Variants in SLC9A9 observed in about 807,000 individuals in gnomAD.
The protein encoded by SLC9A9 is solute carrier family 9 member A9.
In SLC9A9, 62 loss-of-function variants were observed where a neutral mutation model predicts 77.8. That is an observed-to-expected ratio of 0.80 (90% CI 0.65 to 0.98). The LOEUF is 0.98. Ranked by LOEUF, SLC9A9 falls within the 50% of genes least tolerant of loss-of-function variation. The pLI is 0.00. For missense variants in SLC9A9, 775 were observed against 774.9 expected, an observed-to-expected ratio of 1.00 and a Z score of 0.00; for synonymous variants, 320 against 283.5, an observed-to-expected ratio of 1.13 and a Z score of -1.29.
chr3:143,521,344 G>A (rs2108613668), intron 9 of SLC9A9, among the ~76,000 whole-genome samples: 1 of 152,212 alleles, frequency 6.6e-6, no homozygotes, highest in East Asian at 1.9e-4. Context: ...CTAGGAGGCT[G>A]GTAATGTTAT....
chr3:143,279,208 T>C (rs190962043), intron 14 of SLC9A9, among the ~76,000 whole-genome samples: 2 of 152,200 alleles, frequency 1.3e-5, no homozygotes, highest in Admixed American at 1.3e-4. Context: ...AGTTTTTCCC[T>C]GAAGGTTTGC....
chr3:143,388,982 G>T (rs571571078), intron 12 of SLC9A9, among the ~76,000 whole-genome samples: 1 of 152,306 alleles, frequency 6.6e-6, no homozygotes, highest in East Asian at 1.9e-4. Flanking sequence ...CACGGCATGG[G>T]CAAAGGCATA....
At chr3:143,778,588 T>C in intron 4 of SLC9A9, among the ~76,000 whole-genome samples, 1 of 152,016 alleles carries the variant, frequency 6.6e-6, no homozygotes, top group East Asian at 1.9e-4. Context: ...AAAGGAGGGT[T>C]AGAAATCATC....
Position 143,363,513 on chromosome 3 carries a change from G to A in SLC9A9, c.1575C>T (p.Leu525=), listed in dbSNP as rs145513972. ...KNMTKAESAR[L]FRMWYSFDHK... ...GGTCAAAGCTATACCACATTCTGAAGAGCCGAGCACTCTCTGCTTTCGTCA... is the reference window on the plus strand; with the variant it reads ...GGTCAAAGCTATACCACATTCTGAAAAGCCGAGCACTCTCTGCTTTCGTCA... The change falls in exon 14 of 16, where the codon CTC becomes CTT. Residue 525 remains leucine (L), a synonymous_variant. Transcript: ENST00000316549. The A allele has an allele frequency of 8.7e-6, 14 of 1,613,044 alleles. No homozygotes were observed. The African/African-American group carries it at 9.3e-5, about 11-fold the overall frequency.
intron 2 of SLC9A9, among the ~76,000 whole-genome samples, chr3:143,799,710 G>A (rs1403785720): frequency 1.3e-5 from 2 of 152,188 alleles, no homozygotes; most frequent in East Asian, 3.8e-4. Context: ...CTGGCCCAAG[G>A]CTCTCTGACT....
intron 14 of SLC9A9, among the ~76,000 whole-genome samples, chr3:143,321,301 A>C (rs535789660): frequency 1.3e-5 from 2 of 152,332 alleles, no homozygotes; most frequent in East Asian, 3.9e-4. Flanking sequence ...GGAGCAAGGC[A>C]GTATGTTTTT....
chr3:143,430,379 A>G (rs887490230), intron 12 of SLC9A9, among the ~76,000 whole-genome samples: 12 of 152,198 alleles, frequency 7.9e-5, no homozygotes, highest in African/African-American at 2.9e-4. Flanking sequence ...CAGAGTCCCA[A>G]GGAAATTCTG....
intron 4 of SLC9A9, among the ~76,000 whole-genome samples, chr3:143,705,549 G>T (rs1251906494): frequency 6.6e-6 from 1 of 152,046 alleles, no homozygotes; most frequent in Non-Finnish European, 1.5e-5. Context: ...CTGTATCAGT[G>T]AATCACATGT....
chr3:143,490,450 T>C (rs1172996779), intron 11 of SLC9A9, among the ~76,000 whole-genome samples: 1 of 152,154 alleles, frequency 6.6e-6, no homozygotes, highest in African/African-American at 2.4e-5. Flanking sequence ...TGATTCCACT[T>C]ATATGAGGCT....
At chr3:143,526,535 C>T (rs560419654) in intron 9 of SLC9A9, among the ~76,000 whole-genome samples, 42 of 152,110 alleles carry the variant, frequency 2.8e-4, no homozygotes, top group Non-Finnish European at 5.1e-4. Context: ...AGAAGAAAGG[C>T]CCCCTCCTGT....
intron 6 of SLC9A9, among the ~76,000 whole-genome samples, chr3:143,594,803 C>T (rs2037726118): frequency 6.6e-6 from 1 of 151,990 alleles, no homozygotes; most frequent in Admixed American, 6.6e-5. Flanking sequence ...GAAAGAAGAG[C>T]CTTTGAAACA....
intron 12 of SLC9A9, among the ~76,000 whole-genome samples, chr3:143,416,813 ATGTG>A (rs1172428782): frequency 6.6e-6 from 1 of 152,178 alleles, no homozygotes; most frequent in Non-Finnish European, 1.5e-5. Context: ...ATCTGTATAT[ATGTG>A]TATGTGTACA....
rs115144628 is a variant in SLC9A9 at position 143,810,565 on chromosome 3, G to A, written c.379-13662C>T. 1.6e-3 allele frequency among the ~76,000 whole-genome samples: 251 copies of A among 152,314 alleles called. 1 individual carries two copies. The highest frequency in any genetic ancestry group is 2.7e-3 in the Non-Finnish European group (183 of 68,022). Reference sequence around the variant, plus strand: ...TACCCAGGGTCAATCAATAAGACAGGACTATCACTGGGAATTGGATATATA... The same window carrying A: ...TACCCAGGGTCAATCAATAAGACAGAACTATCACTGGGAATTGGATATATA... On this transcript the variant is annotated intron_variant, in intron 2 of 15. Transcript: ENST00000316549.
chr3:143,396,347 T>TA (rs35951492), intron 12 of SLC9A9, among the ~76,000 whole-genome samples: 63,162 of 151,886 alleles, frequency 0.42, 13,289 homozygotes, highest in Admixed American at 0.46. Flanking sequence ...ATCGCAAGGA[T>TA]AAAAAACCAA....
chr3:143,397,140 C>T (rs573739486), intron 12 of SLC9A9, among the ~76,000 whole-genome samples: 57 of 152,274 alleles, frequency 3.7e-4, no homozygotes, highest in African/African-American at 1.3e-3. Context: ...AATGAATACA[C>T]AGACTGATTT....
intron 6 of SLC9A9, among the ~76,000 whole-genome samples, chr3:143,612,107 C>A (rs2038032262): frequency 6.6e-6 from 1 of 152,132 alleles, no homozygotes; most frequent in Non-Finnish European, 1.5e-5. Flanking sequence ...CTAGACTTAG[C>A]CAAGATAGCC....
At chr3:143,445,096 C>A (rs1366638636) in intron 12 of SLC9A9, among the ~76,000 whole-genome samples, 1 of 152,152 alleles carries the variant, frequency 6.6e-6, no homozygotes, top group East Asian at 1.9e-4. Context: ...GAGGCTCTCT[C>A]CATTATATCA....
chr3:143,549,746 T>G (rs993332374), intron 9 of SLC9A9, among the ~76,000 whole-genome samples: 4 of 152,178 alleles, frequency 2.6e-5, no homozygotes, highest in African/African-American at 9.7e-5. Flanking sequence ...ATGCGTTATC[T>G]TTGAAGTTCT....
intron 7 of SLC9A9, among the ~76,000 whole-genome samples, chr3:143,574,522 G>A (rs780351090): frequency 6.6e-6 from 1 of 152,118 alleles, no homozygotes; most frequent in African/African-American, 2.4e-5. Flanking sequence ...TAGCAGGCAC[G>A]GAAAAACAAA....
Sources: gnomAD v4.1 joint callset for allele counts (sites outside exome capture counted in the v4.1 genomes callset) on GRCh38, gnomAD v4.1.1 for gene constraint, MANE v1.5 for transcripts, NCBI Gene and HGNC (gene_info 2026-07-23, HGNC 2026-07-21) for gene names.